Variants in NRG3 observed in about 807,000 individuals in gnomAD.
NRG3 encodes the protein pro-neuregulin-3, membrane-bound isoform.
A neutral mutation model predicts 66.9 loss-of-function variants in NRG3; 31 were observed. The observed-to-expected ratio is 0.46, with a 90% CI of 0.35 to 0.63. NRG3 has a LOEUF of 0.63. NRG3 is among the 20% of genes least tolerant of loss of function. NRG3 has a pLI of 0.00. For synonymous variants in NRG3, 393 were observed against 359.4 expected, an observed-to-expected ratio of 1.09 and a Z score of -1.06; for missense variants, 910 against 878.9, an observed-to-expected ratio of 1.04 and a Z score of -0.45.
intron 2 of NRG3, among the ~76,000 whole-genome samples, chr10:82,726,910 T>C (rs1324828111): frequency 2.6e-5 from 4 of 152,120 alleles, no homozygotes; most frequent in African/African-American, 9.7e-5. Flanking sequence ...CAGATGAAGA[T>C]GAGAAACTTG....
At position 82,498,389 on chromosome 10, in the gene NRG3, G is replaced by A. The variant is rs532929605; in HGVS notation, c.953+139521G>A. ...CACGTTTTATATGAACTCGCAGGAA[G>A]CAGAAGTATGCAGAAGTTAGAAGAG... On this transcript the variant is annotated intron_variant, in intron 2 of 8. Transcript: ENST00000372141. Among the ~76,000 whole-genome samples, 34 of 152,156 alleles carry A rather than the reference G, an allele frequency of 2.2e-4. No homozygotes were observed. In the South Asian group the frequency reaches 7.1e-3, roughly 32 times the overall value.
chr10:82,656,752 G>A (rs566128349), intron 2 of NRG3, among the ~76,000 whole-genome samples: 3 of 152,228 alleles, frequency 2.0e-5, no homozygotes, highest in African/African-American at 7.2e-5. Flanking sequence ...GGAGAAGGCG[G>A]ATCTAAAACA....
chr10:82,719,378 A>G lies in NRG3; in HGVS notation c.954-19199A>G, dbSNP rs139635904. Among the ~76,000 whole-genome samples the G allele has an allele frequency of 3.7e-3, 571 of 152,346 alleles. 1 individual carries two copies. Among genetic ancestry groups the G allele is most frequent in the African/African-American group, 6.0e-3 (250 of 41,574 alleles). On this transcript the variant is annotated intron_variant, in intron 2 of 8. Transcript: ENST00000372141. The stretch of plus-strand genomic sequence containing the variant: ...GTTTATGTTCTATAGATAAAGATAC[A>G]TACCTTAATGTATGCTATATAGAAT...
chr10:82,175,968 C>T (rs2073004142), intron 1 of NRG3, among the ~76,000 whole-genome samples: 1 of 152,086 alleles, frequency 6.6e-6, no homozygotes, highest in South Asian at 2.1e-4. Context: ...AAGAATTTGA[C>T]CAGGTTAGTC....
intron 2 of NRG3, among the ~76,000 whole-genome samples, chr10:82,375,110 T>A (rs2085131223): frequency 6.6e-6 from 1 of 152,154 alleles, no homozygotes; most frequent in African/African-American, 2.4e-5. Context: ...CAGTAGAACT[T>A]TTAAGTTGGG....
chr10:82,123,039 A>G (rs536796279), intron 1 of NRG3, among the ~76,000 whole-genome samples: 11 of 151,942 alleles, frequency 7.2e-5, no homozygotes, highest in African/African-American at 2.4e-4. Flanking sequence ...CCAAGTGAAA[A>G]GCTGGTGAAA....
chr10:82,490,950 C>T (rs769476318), intron 2 of NRG3, among the ~76,000 whole-genome samples: 16 of 152,112 alleles, frequency 1.1e-4, no homozygotes, highest in Middle Eastern at 6.8e-3. Flanking sequence ...AATATGGCAG[C>T]GTGACCAAAA....
At chr10:82,179,135 A>G (rs2073240511) in intron 1 of NRG3, among the ~76,000 whole-genome samples, 1 of 151,896 alleles carries the variant, frequency 6.6e-6, no homozygotes. Flanking sequence ...TAAAAATTAT[A>G]TTTTAAGTGT....
At chr10:82,225,631 T>C (rs1172890910) in intron 1 of NRG3, 1 of 152,100 alleles carries the variant, frequency 6.6e-6, no homozygotes, top group Non-Finnish European at 1.5e-5. Flanking sequence ...ATAATTAAAC[T>C]CAGAGTAATT....
intron 1 of NRG3, among the ~76,000 whole-genome samples, chr10:81,979,614 A>G (rs2060259753): frequency 6.6e-6 from 1 of 152,156 alleles, no homozygotes; most frequent in Admixed American, 6.5e-5. Context: ...TTGATTTATA[A>G]TAAGAGCTTA....
At chr10:82,143,244 A>G (rs757075274) in intron 1 of NRG3, among the ~76,000 whole-genome samples, 4 of 152,174 alleles carry the variant, frequency 2.6e-5, no homozygotes, top group Middle Eastern at 3.2e-3. Context: ...CAAGGAGTTC[A>G]GGAGGCAGGG....
At chr10:82,798,600 G>A (rs1046704610) in intron 3 of NRG3, among the ~76,000 whole-genome samples, 5 of 152,154 alleles carry the variant, frequency 3.3e-5, no homozygotes, top group Non-Finnish European at 7.3e-5. Context: ...AAAAGCGTGA[G>A]TATGAAGCCA....
At chr10:82,845,816 A>T (rs926421241) in intron 3 of NRG3, among the ~76,000 whole-genome samples, 2 of 152,206 alleles carry the variant, frequency 1.3e-5, no homozygotes, top group Non-Finnish European at 1.5e-5. Flanking sequence ...CACAAAAAGT[A>T]CTAAGAAGGA....
chr10:82,615,539 C>T (rs1231719943), intron 2 of NRG3, among the ~76,000 whole-genome samples: 3 of 152,058 alleles, frequency 2.0e-5, no homozygotes, highest in African/African-American at 2.4e-5. Flanking sequence ...AACATCCCCA[C>T]GTGGAATGTT....
intron 1 of NRG3, among the ~76,000 whole-genome samples, chr10:82,141,785 G>A (rs2069801563): frequency 6.6e-6 from 1 of 152,062 alleles, no homozygotes; most frequent in Non-Finnish European, 1.5e-5. Flanking sequence ...TTTTTGATAA[G>A]CATTTACATT....
intron 2 of NRG3, among the ~76,000 whole-genome samples, chr10:82,587,253 A>C (rs2046729983): frequency 6.6e-6 from 1 of 152,234 alleles, no homozygotes; most frequent in African/African-American, 2.4e-5. Context: ...ATTGTAAAAC[A>C]ACACCACTCT....
chr10:81,915,491 C>CTTATTTTTTTTTT, intron 1 of NRG3, among the ~76,000 whole-genome samples: 1 of 140,816 alleles, frequency 7.1e-6, no homozygotes, highest in African/African-American at 2.7e-5. Flanking sequence ...GCTCACACTT[C>CTTATTTTTTTTTT]TTTAGTTTTT....
intron 2 of NRG3, among the ~76,000 whole-genome samples, chr10:82,625,032 C>T (rs1026369658): frequency 6.6e-6 from 1 of 151,320 alleles, no homozygotes; most frequent in African/African-American, 2.4e-5. Context: ...CTTTCCTATT[C>T]TGGATAGAAC....
At chr10:82,744,543 A>G (rs2058564778) in intron 3 of NRG3, among the ~76,000 whole-genome samples, 1 of 152,124 alleles carries the variant, frequency 6.6e-6, no homozygotes, top group South Asian at 2.1e-4. Context: ...GCACCACATT[A>G]AGGATTAGGT....
Sources: allele counts gnomAD v4.1 joint callset (sites outside exome capture counted in the v4.1 genomes callset), GRCh38; gene constraint gnomAD v4.1.1; transcripts MANE v1.5; gene names NCBI Gene and HGNC (gene_info 2026-07-23, HGNC 2026-07-21).